The following ZFYVE28 variants were observed in gnomAD, a reference collection of about 807,000 sequenced individuals.
ZFYVE28 encodes lateral signaling target protein 2 homolog.
A neutral mutation model predicts 82.1 loss-of-function variants in ZFYVE28; 40 were observed. The observed-to-expected ratio is 0.49, with a 90% CI of 0.38 to 0.63. The LOEUF (loss-of-function observed/expected upper bound fraction) is 0.63. ZFYVE28 is among the 30% of genes least tolerant of loss of function. The pLI is 0.00. For missense variants in ZFYVE28, 1,321 were observed against 1,242.1 expected, an observed-to-expected ratio of 1.06 and a Z score of -0.96; for synonymous variants, 612 against 546.1, an observed-to-expected ratio of 1.12 and a Z score of -1.68.
At position 2,356,426 on chromosome 4, in the gene ZFYVE28, C is replaced by T. The variant is rs61790664; in HGVS notation, c.40-2353G>A. Reference sequence around the variant, plus strand: ...CCGCCCCCCCGGCAGTTGGTGTGCCCGCCCCCTCCCCGGCCGTTGATGTGC... The same window carrying T: ...CCGCCCCCCCGGCAGTTGGTGTGCCTGCCCCCTCCCCGGCCGTTGATGTGC... On this transcript the variant is annotated intron_variant, in intron 1 of 12. Transcript: ENST00000290974. 1.1e-3 allele frequency among the ~76,000 whole-genome samples: 36 copies of T among 32,012 alleles called. No homozygotes were observed. In the South Asian group the frequency reaches 0.015, roughly 13 times the overall value. 21.0% of individuals were successfully genotyped at this position (32,012 alleles called of 152,430 possible).
intron 7 of ZFYVE28, among the ~76,000 whole-genome samples, chr4:2,311,349 C>A (rs1249727661): frequency 2.0e-5 from 3 of 152,092 alleles, no homozygotes; most frequent in Non-Finnish European, 4.4e-5. Context: ...CACAGTGAAA[C>A]CCTGTCTTTA....
chr4:2,309,849 G>A (rs1376364266), intron 7 of ZFYVE28, among the ~76,000 whole-genome samples: 1 of 152,034 alleles, frequency 6.6e-6, no homozygotes, highest in Non-Finnish European at 1.5e-5. Flanking sequence ...GCTAAGAGAT[G>A]CTTTTCTTGT....
intron 1 of ZFYVE28, among the ~76,000 whole-genome samples, chr4:2,370,259 G>A (rs998424015): frequency 3.3e-5 from 5 of 152,102 alleles, no homozygotes; most frequent in Admixed American, 1.3e-4. Flanking sequence ...CCACAGCGGA[G>A]AGAAGGGGAT....
chr4:2,364,732 G>A, intron 1 of ZFYVE28: 1 of 985,530 alleles, frequency 1.0e-6, no homozygotes, highest in Non-Finnish European at 1.2e-6. Flanking sequence ...GTGGACGCAG[G>A]TGATGAGCAT....
chr4:2,416,777 G>GCC lies in ZFYVE28; in HGVS notation c.39+1507_39+1508insGG, dbSNP rs1560367525. On this transcript the variant is annotated intron_variant, in intron 1 of 12. Transcript: ENST00000290974. This position sits in a 1 kb window ranked among gnomAD's most constrained non-coding sequence, Gnocchi z 4.6. ...TAGGGACAGGGAGGTTGGGAGCAGGGAGTGACGCCACAGGAACCCTGAATC... is the reference window on the plus strand; with the variant it reads ...TAGGGACAGGGAGGTTGGGAGCAGGGCCAGTGACGCCACAGGAACCCTGAATC... Among the ~76,000 whole-genome samples, 2 of 150,426 alleles carry GCC rather than the reference G, an allele frequency of 1.3e-5. No homozygotes were observed. The highest frequency in any genetic ancestry group is 5.0e-5 in the African/African-American group (2 of 40,290).
At chr4:2,415,176 T>C (rs1732900869) in intron 1 of ZFYVE28, among the ~76,000 whole-genome samples, 2 of 152,264 alleles carry the variant, frequency 1.3e-5, no homozygotes, top group Non-Finnish European at 2.9e-5. Flanking sequence ...CTTAGGTAGC[T>C]AACGTAGTAG....
At chr4:2,363,510 T>C (rs1007087748) in intron 1 of ZFYVE28, among the ~76,000 whole-genome samples, 1 of 152,278 alleles carries the variant, frequency 6.6e-6, no homozygotes, top group Non-Finnish European at 1.5e-5. Flanking sequence ...CTGCGGCTGC[T>C]TGCAGGGCCC....
At chr4:2,348,061 A>G (rs1427396164) in intron 2 of ZFYVE28, among the ~76,000 whole-genome samples, 1 of 152,168 alleles carries the variant, frequency 6.6e-6, no homozygotes, top group African/African-American at 2.4e-5. Flanking sequence ...AAAATTGATA[A>G]AACTCTATCA....
At chr4:2,395,675 A>G (rs1289541280) in intron 1 of ZFYVE28, among the ~76,000 whole-genome samples, 4 of 151,952 alleles carry the variant, frequency 2.6e-5, no homozygotes, top group Non-Finnish European at 4.4e-5. Flanking sequence ...TTCCTTCCCC[A>G]CTCCCAGCTC....
chr4:2,407,835 C>T (rs1388693341), intron 1 of ZFYVE28, among the ~76,000 whole-genome samples: 4 of 152,224 alleles, frequency 2.6e-5, no homozygotes, highest in Non-Finnish European at 5.9e-5. Context: ...ATCCACCTGC[C>T]TCGGCTTCGC....
intron 7 of ZFYVE28, among the ~76,000 whole-genome samples, chr4:2,315,805 A>ATTT (rs751725330): frequency 1.3e-5 from 2 of 151,836 alleles, no homozygotes; most frequent in Non-Finnish European, 2.9e-5. Flanking sequence ...GTGGCTAGAG[A>ATTT]TTTTTGTCTT....
chr4:2,281,753 A>G (rs1288541616), intron 8 of ZFYVE28, among the ~76,000 whole-genome samples: 2 of 152,178 alleles, frequency 1.3e-5, no homozygotes, highest in Non-Finnish European at 2.9e-5. Flanking sequence ...TGGCCCAGGA[A>G]CACTGCCTTT....
In ZFYVE28 at chr4:2,405,967, T is replaced by G. The variant is rs188862318; in HGVS notation, c.39+12318A>C. 2.6e-3 allele frequency among the ~76,000 whole-genome samples: 392 copies of G among 149,920 alleles called. 3 individuals are homozygous for G. Among genetic ancestry groups the G allele is most frequent in the African/African-American group, 9.2e-3 (371 of 40,292 alleles). On this transcript the variant is annotated intron_variant, in intron 1 of 12. Coordinates refer to ENST00000290974, the MANE Select transcript of ZFYVE28 (RefSeq NM_020972.3). ...GGGAGGCTGAGGCAGGAGGATCACTTGAATTTGGGAGGCGGAGGTTGCAGT... is the reference window on the plus strand; with the variant it reads ...GGGAGGCTGAGGCAGGAGGATCACTGGAATTTGGGAGGCGGAGGTTGCAGT...
At chr4:2,319,801 G>A (rs1023826629) in intron 7 of ZFYVE28, among the ~76,000 whole-genome samples, 6 of 150,016 alleles carry the variant, frequency 4.0e-5, no homozygotes, top group Admixed American at 6.6e-5. Flanking sequence ...CTTTGGGGAC[G>A]GTGGGGACGG....
intron 1 of ZFYVE28, among the ~76,000 whole-genome samples, chr4:2,399,669 G>T (rs3128785): frequency 6.6e-5 from 10 of 152,160 alleles, no homozygotes; most frequent in Non-Finnish European, 1.0e-4. Context: ...CGTTGCACCA[G>T]GTGGCCTACA....
At chr4:2,346,634 T>C (rs975164733) in intron 2 of ZFYVE28, among the ~76,000 whole-genome samples, 3 of 152,256 alleles carry the variant, frequency 2.0e-5, no homozygotes, top group East Asian at 1.9e-4. Flanking sequence ...AAGTGAATTA[T>C]TGGAAGGTCT....
rs1032208347 is a variant in ZFYVE28 at position 2,339,946 on chromosome 4, G to A, written c.319-291C>T. 3.3e-5 allele frequency among the ~76,000 whole-genome samples: 5 copies of A among 150,580 alleles called. No homozygotes were observed. The highest frequency in any genetic ancestry group is 1.2e-4 in the African/African-American group (5 of 41,134). The stretch of plus-strand genomic sequence containing the variant: ...GCAGGGGAGGGGAGGGCAGGGGAGG[G>A]GAGGGGAGGGGAAGGTGGACTGAGG... On this transcript the variant is annotated intron_variant, in intron 3 of 12. Transcript: ENST00000290974. The surrounding 1 kb of genome is among the most constrained non-coding windows in gnomAD (Gnocchi z 5.0).
At chr4:2,298,953 C>T (rs1379101445) in intron 8 of ZFYVE28, among the ~76,000 whole-genome samples, 1 of 152,216 alleles carries the variant, frequency 6.6e-6, no homozygotes, top group African/African-American at 2.4e-5. Flanking sequence ...TTCCCCGGCC[C>T]CACCACAGAG....
chr4:2,393,788 CCGGGCTTTA>C (rs1730091423), intron 1 of ZFYVE28, among the ~76,000 whole-genome samples: 1 of 152,200 alleles, frequency 6.6e-6, no homozygotes. Context: ...GGACGGACTT[CCGGGCTTTA>C]CTGTTGTGAG....
Sources: allele counts gnomAD v4.1 joint callset (sites outside exome capture counted in the v4.1 genomes callset), GRCh38; gene constraint gnomAD v4.1.1; non-coding constraint Gnocchi (gnomAD v3.1); transcripts MANE v1.5; gene names NCBI Gene and HGNC (gene_info 2026-07-23, HGNC 2026-07-21).